Variants in LYZL1 observed in about 807,000 individuals in gnomAD.
LYZL1 encodes the protein lysozyme-like protein 1.
Under a neutral mutation model 17.9 loss-of-function variants are expected in LYZL1, and 16 were observed. The observed-to-expected ratio is 0.90, with a 90% CI of 0.61 to 1.36. The LOEUF (loss-of-function observed/expected upper bound fraction) is 1.36, where lower values mean the gene tolerates loss of function less well. Among genes scored for constraint, LYZL1 ranks in the 40% most tolerant of loss-of-function variants. The probability of loss-of-function intolerance (pLI) is 0.00; values close to 1 mark genes in which losing one functional copy is unlikely to be tolerated. For missense variants in LYZL1, 149 were observed against 188.4 expected (o/e 0.79, Z 1.22); for synonymous variants, 58 against 71.8 (o/e 0.81, Z 0.97).
At chr10:29,298,140 C>T (rs1206477758) in intron 3 of LYZL1, among the ~76,000 whole-genome samples, 1 of 151,976 alleles carries the variant, frequency 6.6e-6, no homozygotes, top group South Asian at 2.1e-4. Context: ...ACTCTACTTA[C>T]AAAAATCTGA....
At chr10:29,301,509 T>C (rs550492798) in intron 3 of LYZL1, among the ~76,000 whole-genome samples, 5 of 152,314 alleles carry the variant, frequency 3.3e-5, no homozygotes, top group African/African-American at 9.6e-5. Context: ...TTAAAGATAT[T>C]CCATTGCCTT....
At chr10:29,307,873 C>T (rs768131351) in intron 3 of LYZL1, among the ~76,000 whole-genome samples, 4 of 152,090 alleles carry the variant, frequency 2.6e-5, no homozygotes, top group Non-Finnish European at 4.4e-5. Flanking sequence ...AGGATAAACA[C>T]CTCTTTAAGG....
At chr10:29,303,043 C>T (rs564119191) in intron 3 of LYZL1, among the ~76,000 whole-genome samples, 39 of 152,292 alleles carry the variant, frequency 2.6e-4, no homozygotes, top group African/African-American at 9.4e-4. Context: ...TTGGGCTAGT[C>T]AGAAATCAAA....
chr10:29,291,402 T>A (rs1200133324), intron 1 of LYZL1, among the ~76,000 whole-genome samples: 12 of 151,820 alleles, frequency 7.9e-5, no homozygotes, highest in African/African-American at 2.9e-4. Context: ...TTGGTCTTGC[T>A]GTCTCGGGGT....
At chr10:29,317,019 C>T (rs1275941632) in intron 3 of LYZL1, among the ~76,000 whole-genome samples, 1 of 152,208 alleles carries the variant, frequency 6.6e-6, no homozygotes, top group African/African-American at 2.4e-5. Flanking sequence ...TGTCCAGCCT[C>T]TTCCAGGTTT....
chr10:29,295,332 T>A (rs1170691453), intron 3 of LYZL1, among the ~76,000 whole-genome samples: 1 of 152,250 alleles, frequency 6.6e-6, no homozygotes, highest in Non-Finnish European at 1.5e-5. Context: ...ATTAACTGTA[T>A]GCAAATGATT....
At chr10:29,309,360 A>T (rs1229840439) in intron 3 of LYZL1, among the ~76,000 whole-genome samples, 1 of 152,134 alleles carries the variant, frequency 6.6e-6, no homozygotes, top group Non-Finnish European at 1.5e-5. Flanking sequence ...AAAACAAAAC[A>T]AAACAAAACC....
intron 3 of LYZL1, among the ~76,000 whole-genome samples, chr10:29,301,543 GA>G (rs1242570823): frequency 3.9e-5 from 6 of 152,010 alleles, no homozygotes; most frequent in African/African-American, 1.4e-4. Context: ...TGTATGATGG[GA>G]AACCAATGAT....
At chr10:29,316,436 C>T (rs1420390827) in intron 3 of LYZL1, among the ~76,000 whole-genome samples, 1 of 152,202 alleles carries the variant, frequency 6.6e-6, no homozygotes, top group Non-Finnish European at 1.5e-5. Context: ...AGAAGAGAAG[C>T]AACGAATCTT....
chr10:29,290,747 G>T (rs537112345), intron 1 of LYZL1, among the ~76,000 whole-genome samples: 1 of 152,276 alleles, frequency 6.6e-6, no homozygotes, highest in African/African-American at 2.4e-5. Flanking sequence ...GCTGAGGCAG[G>T]AGAATCGCTT....
chr10:29,307,039 GA>G (rs1835605983), intron 3 of LYZL1, among the ~76,000 whole-genome samples: 1 of 152,094 alleles, frequency 6.6e-6, no homozygotes, highest in Admixed American at 6.6e-5. Flanking sequence ...ATTTTTAGAA[GA>G]GATGGGCTTC....
At chr10:29,313,445 C>T (rs929560028), downstream of LYZL1, among the ~76,000 whole-genome samples, 1 of 152,170 alleles carries the variant, frequency 6.6e-6, no homozygotes, top group African/African-American at 2.4e-5. Flanking sequence ...GAACCTGGCA[C>T]CAGCCATTCA....
At chr10:29,290,670 C>T (rs1462700348) in intron 1 of LYZL1, among the ~76,000 whole-genome samples, 1 of 152,074 alleles carries the variant, frequency 6.6e-6, no homozygotes, top group East Asian at 1.9e-4. Context: ...GAAACCTCAT[C>T]TATACTAGAA....
At chr10:29,295,520 C>A (rs972210501) in intron 3 of LYZL1, among the ~76,000 whole-genome samples, 2 of 152,158 alleles carry the variant, frequency 1.3e-5, no homozygotes, top group African/African-American at 4.8e-5. Flanking sequence ...GTGCATTTAC[C>A]TCCCATGGTG....
intron 4 of LYZL1, 80 bp downstream of exon 4, chr10:29,310,268 G>A (rs1272736566): frequency 8.9e-7 from 1 of 1,125,074 alleles, no homozygotes; most frequent in African/African-American, 1.5e-5. Flanking sequence ...TGGTGGAATT[G>A]ACAAACTCAC....
At chr10:29,293,627 T>A (rs995434661) in intron 3 of LYZL1, among the ~76,000 whole-genome samples, 3 of 152,070 alleles carry the variant, frequency 2.0e-5, no homozygotes, top group African/African-American at 4.8e-5. Flanking sequence ...TTAAATCATG[T>A]AAGGAGGAGT....
rs754073886 is a variant in LYZL1, at chr10:29,310,096, T to C, written c.299-14T>C. On this transcript the variant is annotated splice_polypyrimidine_tract_variant and intron_variant, in intron 3 of 4. Transcript: ENST00000649382. Reference sequence around the variant, plus strand: ...AAAGTCTCGCCTAACCCTGATGTCTTCTCTCTTTTACAGCCTTGATCACTG... The same window carrying C: ...AAAGTCTCGCCTAACCCTGATGTCTCCTCTCTTTTACAGCCTTGATCACTG... 1 of 1,599,736 alleles carries C rather than the reference T, an allele frequency of 6.3e-7. No individual in the cohort carries two copies. Among genetic ancestry groups the C allele is most frequent in the Non-Finnish European group, 8.6e-7 (1 of 1,168,026 alleles).
At chr10:29,293,006 A>G (rs1835394983) in intron 3 of LYZL1, among the ~76,000 whole-genome samples, 1 of 152,188 alleles carries the variant, frequency 6.6e-6, no homozygotes, top group South Asian at 2.1e-4. Flanking sequence ...GCTGCTTTCC[A>G]TAAGCAATTC....
chr10:29,311,005 A>G lies in LYZL1; in HGVS notation c.393A>G (p.Lys131=). 1 of 1,614,164 alleles carries G rather than the reference A, an allele frequency of 6.2e-7. No individual in the cohort carries two copies. The highest frequency in any genetic ancestry group is 8.5e-7 in the Non-Finnish European group (1 of 1,180,026). Residue 131 remains lysine (K), a synonymous_variant, in exon 5 of 5, where the codon AAA becomes AAG. Coordinates refer to ENST00000649382, the MANE Select transcript of LYZL1 (RefSeq NM_032517.6). The part of the protein sequence containing the change: ...QGMNYWQGWK[K]HCEGRDLSEW... Reference sequence around the variant, plus strand: ...TCATCCTCAGGCAAGGCTGGAAGAAACATTGTGAGGGCAGAGACCTGTCCG... The same window carrying G: ...TCATCCTCAGGCAAGGCTGGAAGAAGCATTGTGAGGGCAGAGACCTGTCCG...
Sources: gnomAD v4.1 joint callset for allele counts (sites outside exome capture counted in the v4.1 genomes callset) on GRCh38, gnomAD v4.1.1 for gene constraint, MANE v1.5 for transcripts, NCBI Gene and HGNC (gene_info 2026-07-23, HGNC 2026-07-21) for gene names.